FAM47E: variants seen among roughly 807,000 people sequenced by gnomAD.
The protein encoded by FAM47E is family with sequence similarity 47 member E, also known as protein FAM47E.
A neutral mutation model predicts 41.6 loss-of-function variants in FAM47E; 32 were observed. The observed-to-expected ratio is 0.77, with a 90% CI of 0.58 to 1.03. The LOEUF is 1.03. FAM47E is among the 50% of genes least tolerant of loss of function. The probability of loss-of-function intolerance (pLI) is 0.00; values close to 1 mark genes in which losing one functional copy is unlikely to be tolerated. For missense variants in FAM47E, 424 were observed against 485.4 expected, an observed-to-expected ratio of 0.87 and a Z score of 1.19; for synonymous variants, 184 against 188.7, an observed-to-expected ratio of 0.98 and a Z score of 0.20.
intron 2 of FAM47E, among the ~76,000 whole-genome samples, chr4:76,243,909 C>T (rs1733764157): frequency 6.6e-6 from 1 of 152,160 alleles, no homozygotes. Context: ...TAACCCCTGA[C>T]AGGCCCCGGT....
Position 76,258,690 on chromosome 4 carries a change from G to A in FAM47E, c.420+2167G>A, listed in dbSNP as rs182703800. 4.0e-4 allele frequency among the ~76,000 whole-genome samples: 61 copies of A among 152,310 alleles called. No homozygotes were observed. The East Asian group carries it at 0.01, about 26-fold the overall frequency. The stretch of plus-strand genomic sequence containing the variant: ...AGTCCCAAACATCATAATCGTGAAT[G>A]TTGAGATCCCCAAAGTCTAAAATCC... On this transcript the variant is annotated intron_variant, in intron 2 of 7. Transcript: ENST00000424749.
intron 2 of FAM47E, among the ~76,000 whole-genome samples, chr4:76,228,274 G>C (rs1161852312): frequency 6.6e-6 from 1 of 151,990 alleles, no homozygotes; most frequent in Non-Finnish European, 1.5e-5. Context: ...GAGATCAGGA[G>C]TTAGAGACCA....
At chr4:76,239,276 T>C (rs1017356242) in intron 2 of FAM47E, among the ~76,000 whole-genome samples, 1 of 152,218 alleles carries the variant, frequency 6.6e-6, no homozygotes, top group Non-Finnish European at 1.5e-5. Context: ...CTGGGTCATA[T>C]GGTAATTCTA....
At chr4:76,249,468 T>C (rs1250068152), upstream of FAM47E, among the ~76,000 whole-genome samples, 1 of 152,234 alleles carries the variant, frequency 6.6e-6, no homozygotes, top group Non-Finnish European at 1.5e-5. Flanking sequence ...CTTGCTGATA[T>C]ATAAATTGTA....
chr4:76,268,490 T>C, intron 3 of FAM47E, 170 bp from the exon 4 acceptor site: 2 of 603,550 alleles, frequency 3.3e-6, no homozygotes, highest in Non-Finnish European at 5.6e-6. Flanking sequence ...TTTATGATAT[T>C]CGTAATGAGA....
intron 3 of FAM47E, among the ~76,000 whole-genome samples, chr4:76,266,181 T>C (rs1734626077): frequency 6.6e-6 from 1 of 152,230 alleles, no homozygotes; most frequent in Non-Finnish European, 1.5e-5. Flanking sequence ...GTAGTCATCT[T>C]TTACTGGCCG....
At chr4:76,269,787 CA>C (rs5859506) in intron 4 of FAM47E, among the ~76,000 whole-genome samples, 2,823 of 146,688 alleles carry the variant, frequency 0.019, 81 homozygotes, top group African/African-American at 0.065. Flanking sequence ...GATCCTGTCT[CA>C]AAAAAAAAAA....
chr4:76,227,931 G>C (rs1442746200), intron 2 of FAM47E, among the ~76,000 whole-genome samples: 1 of 152,130 alleles, frequency 6.6e-6, no homozygotes, highest in Non-Finnish European at 1.5e-5. Context: ...TTATGCATTA[G>C]GTGAGTCTCT....
At chr4:76,224,919 A>G (rs1340700007) in intron 2 of FAM47E, among the ~76,000 whole-genome samples, 3 of 151,962 alleles carry the variant, frequency 2.0e-5, no homozygotes, top group Non-Finnish European at 4.4e-5. Flanking sequence ...CCTTCCCCCC[A>G]AGTCCCCAGA....
intron 4 of FAM47E, 74 bp from the exon 5 acceptor site, chr4:76,271,494 C>A: frequency 6.7e-7 from 1 of 1,495,476 alleles, no homozygotes; most frequent in Middle Eastern, 1.8e-4. Context: ...TCAGCGATGG[C>A]CCTCAGATTA....
At chr4:76,217,615 T>A (rs1733231974) in exon 2 of FAM47E, 1 of 622,686 alleles carries the variant, frequency 1.6e-6, no homozygotes, top group Admixed American at 2.3e-5. Context: ...CCAATGCAGA[T>A]GTCTGTGCCG....
At chr4:76,251,698 G>A, upstream of FAM47E, 1 of 1,434,770 alleles carries the variant, frequency 7.0e-7, no homozygotes, top group South Asian at 1.4e-5. Flanking sequence ...CGGCAGCAGG[G>A]CACACACACC....
intron 1 of FAM47E, among the ~76,000 whole-genome samples, chr4:76,255,699 G>A (rs74915725): frequency 0.022 from 3,319 of 152,282 alleles, 92 homozygotes; most frequent in African/African-American, 0.06. Flanking sequence ...AGCGAATGGA[G>A]AGATGAAATG....
At chr4:76,265,253 G>A (rs1734582786) in intron 3 of FAM47E, among the ~76,000 whole-genome samples, 1 of 152,224 alleles carries the variant, frequency 6.6e-6, no homozygotes, top group South Asian at 2.1e-4. Flanking sequence ...GATGGCCCAT[G>A]GGAAGCACAA....
At chr4:76,236,141 C>T (rs183900220) in intron 2 of FAM47E, 1 of 152,130 alleles carries the variant, frequency 6.6e-6, no homozygotes, top group Admixed American at 6.5e-5. Flanking sequence ...TTGTCCCCAC[C>T]CAACAGAAAC....
chr4:76,263,612 G>A, intron 2 of FAM47E, 92 bp from the exon 3 acceptor site: 1 of 1,466,094 alleles, frequency 6.8e-7, no homozygotes, highest in Non-Finnish European at 9.1e-7. Flanking sequence ...AAAAGGAAAA[G>A]TGAAGGGCAA....
intron 1 of FAM47E, among the ~76,000 whole-genome samples, chr4:76,216,687 T>C (rs1733213353): frequency 6.6e-6 from 1 of 152,224 alleles, no homozygotes; most frequent in African/African-American, 2.4e-5. Flanking sequence ...AGGATCTCAC[T>C]CTGTTTCCAC....
chr4:76,236,882 A>G (rs1341196156), intron 2 of FAM47E, among the ~76,000 whole-genome samples: 1 of 150,460 alleles, frequency 6.6e-6, no homozygotes, highest in Non-Finnish European at 1.5e-5. Flanking sequence ...GTTGTAAAAT[A>G]TGTTTCTTTT....
chr4:76,241,907 G>A lies in FAM47E; in HGVS notation c.82-21797G>A, dbSNP rs138259265. 1.8e-3 allele frequency among the ~76,000 whole-genome samples: 272 copies of A among 152,240 alleles called. 2 individuals are homozygous for A. The highest frequency in any genetic ancestry group is 6.4e-3 in the African/African-American group (266 of 41,532). ...TTATAGAAGCTGCACTCTTCACGTT[G>A]GTTCTCGGCAGGAAAGTCCCTCATC... On this transcript the variant is annotated intron_variant, in intron 2 of 7. Coordinates refer to the FAM47E transcript ENST00000510197.
Sources: allele counts gnomAD v4.1 joint callset (sites outside exome capture counted in the v4.1 genomes callset), GRCh38; gene constraint gnomAD v4.1.1; transcripts MANE v1.5; gene names NCBI Gene and HGNC (gene_info 2026-07-23, HGNC 2026-07-21).